ARSG: variants seen among roughly 807,000 people sequenced by gnomAD.
ARSG encodes ASG.
Under a neutral mutation model 50.5 loss-of-function variants are expected in ARSG, and 37 were observed. The observed-to-expected ratio is 0.73, with a 90% CI of 0.56 to 0.96. The LOEUF is 0.96. Ranked by LOEUF, ARSG falls within the 50% of genes least tolerant of loss-of-function variation. ARSG has a pLI of 0.00. For synonymous variants in ARSG, 225 were observed against 254.6 expected (o/e 0.88, Z 1.11); for missense variants, 629 against 675.3 (o/e 0.93, Z 0.76).
intron 2 of ARSG, among the ~76,000 whole-genome samples, chr17:68,333,313 C>T (rs1232929332): frequency 6.9e-6 from 1 of 145,974 alleles, no homozygotes; most frequent in Non-Finnish European, 1.5e-5. Context: ...CAGAGCGAGA[C>T]TCCGTCTCAA....
At chr17:68,328,759 A>T (rs1442376080) in intron 2 of ARSG, among the ~76,000 whole-genome samples, 1 of 152,206 alleles carries the variant, frequency 6.6e-6, no homozygotes, top group African/African-American at 2.4e-5. Flanking sequence ...ACATGCCTAG[A>T]TGCTGGAGGG....
At chr17:68,269,737 A>C (rs1448395469) in intron 1 of ARSG, among the ~76,000 whole-genome samples, 2 of 129,320 alleles carry the variant, frequency 1.5e-5, no homozygotes, top group African/African-American at 6.2e-5. Context: ...GCGATGGTGC[A>C]ATCTCAGGTC....
In ARSG at chr17:68,378,115, A is replaced by G. The variant is rs1202250037; in HGVS notation, c.983-6949A>G. Among the ~76,000 whole-genome samples the G allele has an allele frequency of 6.6e-6, 1 of 152,192 alleles. No homozygotes were observed. Among genetic ancestry groups the G allele is most frequent in the African/African-American group, 2.4e-5 (1 of 41,458 alleles). Reference sequence around the variant, plus strand: ...GCAGCGCCCTGCTCAGCAGGTGGCCATGTCCTGTGAGTCAAGGGGGCTGGG... The same window carrying G: ...GCAGCGCCCTGCTCAGCAGGTGGCCGTGTCCTGTGAGTCAAGGGGGCTGGG... On this transcript the variant is annotated intron_variant, in intron 8 of 11. Transcript: ENST00000621439. This position sits in a 1 kb window ranked among gnomAD's most constrained non-coding sequence, Gnocchi z 4.4.
the ARSG span, among the ~76,000 whole-genome samples, chr17:68,451,934 T>C: frequency 6.6e-6 from 1 of 152,220 alleles, no homozygotes; most frequent in Non-Finnish European, 1.5e-5. Flanking sequence ...CAGGGAACAA[T>C]GTGGGACAGA....
chr17:68,353,047 T>C (rs1489380348), intron 5 of ARSG, among the ~76,000 whole-genome samples: 1 of 152,112 alleles, frequency 6.6e-6, no homozygotes, highest in Admixed American at 6.5e-5. Context: ...CAATAGTTAA[T>C]ATAATAGTGG....
At chr17:68,264,370 A>G (rs2075119258) in intron 1 of ARSG, among the ~76,000 whole-genome samples, 1 of 152,188 alleles carries the variant, frequency 6.6e-6, no homozygotes, top group Admixed American at 6.5e-5. Flanking sequence ...AAAATGTATA[A>G]CTTTGTTAAA....
chr17:68,394,743 G>A (rs2081156330), intron 9 of ARSG, among the ~76,000 whole-genome samples: 1 of 152,082 alleles, frequency 6.6e-6, no homozygotes, highest in Non-Finnish European at 1.5e-5. Context: ...TGATAAGGGG[G>A]GACTACTATA....
chr17:68,442,766 C>T, the ARSG span, among the ~76,000 whole-genome samples: 1 of 152,154 alleles, frequency 6.6e-6, no homozygotes, highest in Non-Finnish European at 1.5e-5. Flanking sequence ...CAACTGTGTC[C>T]GCACCCCAGA....
At chr17:68,421,959 C>A, downstream of ARSG, 1 of 999,940 alleles carries the variant, frequency 1.0e-6, no homozygotes, top group Admixed American at 1.8e-5. Flanking sequence ...TGAACTCGCT[C>A]ATGGCCACAG....
At chr17:68,443,660 A>G in the ARSG span, among the ~76,000 whole-genome samples, 1 of 152,246 alleles carries the variant, frequency 6.6e-6, no homozygotes, top group South Asian at 2.1e-4. Flanking sequence ...TGGCACCCAG[A>G]TAGATCTTGA....
At chr17:68,278,026 C>T (rs1325365383) in intron 1 of ARSG, 1 of 1,112,808 alleles carries the variant, frequency 9.0e-7, no homozygotes, top group African/African-American at 1.6e-5. Context: ...CTACCATTAC[C>T]AAGGTAGCCA....
At chr17:68,322,383 C>T (rs539081580) in intron 2 of ARSG, among the ~76,000 whole-genome samples, 6 of 152,350 alleles carry the variant, frequency 3.9e-5, no homozygotes, top group African/African-American at 1.4e-4. Context: ...AATCCCAGCA[C>T]TCTGGGAGGC....
In ARSG at chr17:68,306,849, G is replaced by A. The variant is rs2076628608; in HGVS notation, c.-551-94G>A. On this transcript the variant is annotated intron_variant, in intron 1 of 11. Coordinates refer to ENST00000621439, the MANE Select transcript of ARSG (RefSeq NM_001267727.2). ...AATATTTGAATAAAAACATCTGTTG[G>A]CATGGAAAAGTGATTATTTCCTAAG... 3 of 152,202 alleles carry A rather than the reference G, an allele frequency of 2.0e-5. No homozygotes were observed. In the South Asian group the frequency reaches 6.2e-4, roughly 31 times the overall value. The allele number at this position is 152,202 out of a possible 1,614,324, so 9.4% of individuals were successfully genotyped here. A position where few individuals can be genotyped will look rare whatever the true frequency, so the allele number is the denominator to read the frequency against.
At chr17:68,397,997 C>T (rs1192174180) in intron 10 of ARSG, among the ~76,000 whole-genome samples, 3 of 152,168 alleles carry the variant, frequency 2.0e-5, no homozygotes, top group African/African-American at 7.2e-5. Context: ...AAACTCCTGA[C>T]CTCAGGAGAT....
intron 4 of ARSG, among the ~76,000 whole-genome samples, chr17:68,350,878 C>T (rs561936829): frequency 6.6e-6 from 1 of 152,258 alleles, no homozygotes; most frequent in East Asian, 1.9e-4. Flanking sequence ...CAGAAGAAAA[C>T]TTCAACACAA....
At chr17:68,273,949 G>A (rs201991451) in intron 1 of ARSG, 152 of 1,614,098 alleles carry the variant, frequency 9.4e-5, no homozygotes, top group Non-Finnish European at 1.2e-4. Context: ...CGATGGCGAC[G>A]TACATATGAG....
chr17:68,266,319 T>A (rs1471232351), intron 1 of ARSG, among the ~76,000 whole-genome samples: 2 of 150,134 alleles, frequency 1.3e-5, no homozygotes, highest in Admixed American at 1.3e-4. Flanking sequence ...TTAAAATAGT[T>A]CGTATGAAAC....
intron 11 of ARSG, among the ~76,000 whole-genome samples, chr17:68,419,451 C>T (rs2147583730): frequency 6.6e-6 from 1 of 152,260 alleles, no homozygotes; most frequent in East Asian, 1.9e-4. Flanking sequence ...TGGCAGGTGC[C>T]TGTGATCCCA....
chr17:68,308,243 T>A (rs1254859513), intron 2 of ARSG, among the ~76,000 whole-genome samples: 2 of 152,190 alleles, frequency 1.3e-5, no homozygotes, highest in African/African-American at 4.8e-5. Context: ...GGGTTCTTGG[T>A]CTCACTGACT....
Sources: gnomAD v4.1 joint callset for allele counts (sites outside exome capture counted in the v4.1 genomes callset) on GRCh38, gnomAD v4.1.1 for gene constraint, Gnocchi (gnomAD v3.1) non-coding constraint, MANE v1.5 for transcripts, NCBI Gene and HGNC (gene_info 2026-07-23, HGNC 2026-07-21) for gene names.